Variants in CHD5 observed in about 807,000 individuals in gnomAD.
CHD5 encodes chromodomain helicase DNA binding protein 5.
CHD5 carries 69 observed loss-of-function variants against 230.3 expected under a neutral mutation model. The observed-to-expected ratio is 0.30, with a 90% CI of 0.25 to 0.37. The LOEUF is 0.37. CHD5 is among the 10% of genes least tolerant of loss of function. The probability of loss-of-function intolerance (pLI) is 1.00; values close to 1 mark genes in which losing one functional copy is unlikely to be tolerated. For missense variants in CHD5, 1,827 were observed against 2,622.8 expected (o/e 0.70, Z 6.63); for synonymous variants, 1,064 against 1,065.9 (o/e 1.00, Z 0.03).
At chr1:6,171,643 C>T (rs553938654) in intron 1 of CHD5, among the ~76,000 whole-genome samples, 2 of 152,248 alleles carry the variant, frequency 1.3e-5, no homozygotes, top group South Asian at 2.1e-4. Flanking sequence ...AGCAACTGCA[C>T]GGTCAGCCTT....
Position 6,130,060 on chromosome 1 carries a change from G to A in CHD5, c.3387+144C>T. Reference sequence around the variant, plus strand: ...CCACTCACTCCCAGAGCCCCTCTTGGGGCCGAGACTCCACGGGGGAGGGAG... The same window carrying A: ...CCACTCACTCCCAGAGCCCCTCTTGAGGCCGAGACTCCACGGGGGAGGGAG... On this transcript the variant is annotated intron_variant, in intron 22 of 41. Transcript: ENST00000262450. This position sits in a 1 kb window ranked among gnomAD's most constrained non-coding sequence, Gnocchi z 4.9. 1 of 913,948 alleles carries A rather than the reference G, an allele frequency of 1.1e-6. No individual in the cohort carries two copies. Among genetic ancestry groups the A allele is most frequent in the Non-Finnish European group, 1.7e-6 (1 of 590,214 alleles). 56.6% of individuals were successfully genotyped at this position (913,948 alleles called of 1,614,324 possible).
rs753970669 is a variant in CHD5, at chr1:6,128,911, C to A, written c.3546G>T (p.Gly1182=). ...VVRPGLGSKS[G]SMTKQELDDI... ...CGTCCAGCTCCTGCTTGGTCATGGACCCCGACTTGGAGCCGAGGCCGGGCC... is the reference window on the plus strand; with the variant it reads ...CGTCCAGCTCCTGCTTGGTCATGGAACCCGACTTGGAGCCGAGGCCGGGCC... The change falls in exon 23 of 42, where the codon GGG becomes GGT. Residue 1182 remains glycine (G), a synonymous_variant. Transcript: ENST00000262450. The surrounding 1 kb of genome is among the most constrained non-coding windows in gnomAD (Gnocchi z 7.8). The A allele has an allele frequency of 1.9e-6, 3 of 1,613,366 alleles. No individual in the cohort carries two copies. The highest frequency in any genetic ancestry group is 1.1e-5 in the South Asian group (1 of 91,082).
chr1:6,161,968 A>G (rs958421780), intron 2 of CHD5, among the ~76,000 whole-genome samples: 1 of 152,188 alleles, frequency 6.6e-6, no homozygotes, highest in Non-Finnish European at 1.5e-5. Context: ...CGGGCTCCCC[A>G]GGGAGGCTCT....
At position 6,170,507 on chromosome 1, in the gene CHD5, T is replaced by C. The variant is rs80183873; in HGVS notation, c.80-2230A>G. ...GGGGCCAATGTGCACCAGTGGAAGG[T>C]GTTTGCACCAGTGGAAGGTGGGGGC... On this transcript the variant is annotated intron_variant, in intron 1 of 41. Coordinates refer to ENST00000262450, the MANE Select transcript of CHD5 (RefSeq NM_015557.3). Among the ~76,000 whole-genome samples, 196 of 152,124 alleles carry C rather than the reference T, an allele frequency of 1.3e-3. 5 individuals carry two copies. In the East Asian group the frequency reaches 0.035, roughly 27 times the overall value.
At chr1:6,116,558 A>G (rs527658155) in intron 33 of CHD5, among the ~76,000 whole-genome samples, 2 of 152,358 alleles carry the variant, frequency 1.3e-5, no homozygotes, top group East Asian at 3.8e-4. Context: ...GTGAGAAAAG[A>G]TAGAAATGAC....
At chr1:6,173,185 A>C (rs1190927100) in intron 1 of CHD5, among the ~76,000 whole-genome samples, 13 of 151,114 alleles carry the variant, frequency 8.6e-5, no homozygotes, top group Admixed American at 8.6e-4. Flanking sequence ...GCTCACTGCA[A>C]GCTCCGCCTC....
At chr1:6,124,912 T>C (rs1325535411) in intron 29 of CHD5, among the ~76,000 whole-genome samples, 188 bp downstream of exon 29, 1 of 152,088 alleles carries the variant, frequency 6.6e-6, no homozygotes. Context: ...GGGCGGATGG[T>C]CAGTGTTTGC....
Position 6,131,799 on chromosome 1 carries a change from T to G in CHD5, c.3145-51A>C, listed in dbSNP as rs2100848636. ...AACTGCCAAGGAGCAAGGGGCCCCA[T>G]GGGCCATGGGCGGGGACCCCGCCAC... On this transcript the variant is annotated intron_variant, in intron 20 of 41. Coordinates refer to ENST00000262450, the MANE Select transcript of CHD5 (RefSeq NM_015557.3). This position sits in a 1 kb window ranked among gnomAD's most constrained non-coding sequence, Gnocchi z 5.0. 1.5e-5 allele frequency: 18 copies of G among 1,202,998 alleles called. No homozygotes were observed. The highest frequency in any genetic ancestry group is 2.0e-4 in the Middle Eastern group (1 of 5,052). 74.5% of individuals were successfully genotyped at this position (1,202,998 alleles called of 1,614,324 possible). A position where few individuals can be genotyped will look rare whatever the true frequency, so the allele number is the denominator to read the frequency against.
chr1:6,175,687 T>C (rs1037359756), intron 1 of CHD5, among the ~76,000 whole-genome samples: 3 of 148,722 alleles, frequency 2.0e-5, no homozygotes, highest in Non-Finnish European at 4.4e-5. Flanking sequence ...AACAAATGGA[T>C]GGATGGATGG....
rs750119008 is a variant in CHD5, at chr1:6,146,844, G to A, written c.1411C>T (p.Arg471Trp). 5 of 1,531,928 alleles carry A rather than the reference G, an allele frequency of 3.3e-6. No homozygotes were observed. Among genetic ancestry groups the A allele is most frequent in the East Asian group, 4.6e-5 (2 of 43,546 alleles). The allele number at this position is 1,531,928 out of a possible 1,614,324, so 94.9% of individuals were successfully genotyped here. The change falls in exon 10 of 42, where the codon CGG (arginine) becomes TGG (tryptophan). Residue 471 changes from arginine to tryptophan, a missense_variant. Around this residue, in one of 14 missense-constraint regions of CHD5, gnomAD observed 657 missense variants for 816.4 expected, o/e 0.80. Transcript: ENST00000262450. The surrounding 1 kb of genome is among the most constrained non-coding windows in gnomAD (Gnocchi z 5.1). The stretch of plus-strand genomic sequence containing the variant: ...TCCGTCCACCTCCAGTGTAGAATCC[G>A]CTGGACTTTGCCCTTCAGTGGGGGG... ...TCPPLKGKVQRILHWRWTEPP... is the reference protein window; with the variant it reads ...TCPPLKGKVQWILHWRWTEPP...
Position 6,130,367 on chromosome 1 carries a change from G to A in CHD5, c.3263-39C>T, listed in dbSNP as rs181035099. ...GCCAGCAGATGGGAGTGTTTGGGGG[G>A]GTACACCTTGGGTGGGCAGAAAGGA... On this transcript the variant is annotated intron_variant, in intron 21 of 41. Coordinates refer to ENST00000262450, the MANE Select transcript of CHD5 (RefSeq NM_015557.3). This position sits in a 1 kb window ranked among gnomAD's most constrained non-coding sequence, Gnocchi z 4.9. 6,272 of 1,602,736 alleles carry A rather than the reference G, an allele frequency of 3.9e-3. 22 individuals carry two copies. Among genetic ancestry groups the A allele is most frequent in the Non-Finnish European group, 5.0e-3 (5,813 of 1,173,704 alleles).
Position 6,155,732 on chromosome 1 carries a change from G to A in CHD5, c.388-15C>T. On this transcript the variant is annotated splice_polypyrimidine_tract_variant and intron_variant, in intron 3 of 41. Transcript: ENST00000262450. The surrounding 1 kb of genome is among the most constrained non-coding windows in gnomAD (Gnocchi z 4.0). ...GACTTGGGCTCCTACAGAGACCCAG[G>A]CCAGAGGTAGAGTTGTTGAGGGGCC... The A allele has an allele frequency of 2.5e-6, 4 of 1,606,694 alleles. No individual in the cohort carries two copies. In the South Asian group the frequency reaches 3.3e-5, roughly 13 times the overall value.
chr1:6,137,089 GAGA>G (rs1666757847), intron 15 of CHD5, among the ~76,000 whole-genome samples: 2 of 128,188 alleles, frequency 1.6e-5, no homozygotes, highest in African/African-American at 2.7e-5. Flanking sequence ...TGTGGAGGAG[GAGA>G]AGAAACGGCC....
rs562527168 is a variant in CHD5, at chr1:6,158,597, C to T, written c.387+739G>A. 4.6e-5 allele frequency among the ~76,000 whole-genome samples: 7 copies of T among 152,288 alleles called. No homozygotes were observed. The South Asian group carries it at 1.2e-3, about 27-fold the overall frequency. ...GGCTAAGGCAGGAGCCACTGCACTCCAGCCTGGACAACAGAGCAAAACTCC... is the reference window on the plus strand; with the variant it reads ...GGCTAAGGCAGGAGCCACTGCACTCTAGCCTGGACAACAGAGCAAAACTCC... On this transcript the variant is annotated intron_variant, in intron 3 of 41. Coordinates refer to ENST00000262450, the MANE Select transcript of CHD5 (RefSeq NM_015557.3).
intron 30 of CHD5, 74 bp downstream of exon 30, chr1:6,124,443 A>G (rs1666520256): frequency 6.5e-7 from 1 of 1,532,034 alleles, no homozygotes; most frequent in Non-Finnish European, 9.0e-7. Context: ...TTCTCTGACC[A>G]CTGACCCACA....
At chr1:6,124,190 G>A in intron 30 of CHD5, 83 bp from the exon 31 acceptor site, 2 of 1,325,038 alleles carry the variant, frequency 1.5e-6, no homozygotes, top group Non-Finnish European at 2.1e-6. Flanking sequence ...GGGCAGCCAG[G>A]GGGGCTGAAA....
chr1:6,106,352 C>T (rs531755461), intron 40 of CHD5, 43 bp downstream of exon 40: 29 of 1,611,260 alleles, frequency 1.8e-5, no homozygotes, highest in African/African-American at 5.3e-5. Flanking sequence ...CCGGGCCCGG[C>T]GGGCACCCGT....
In CHD5 at chr1:6,104,434, G is replaced by C. The variant is rs933446781; in HGVS notation, c.*1040C>G. On this transcript the variant is annotated 3_prime_UTR_variant, in exon 42 of 42. Coordinates refer to ENST00000262450, the MANE Select transcript of CHD5 (RefSeq NM_015557.3). ...AATGGGACAAGTCCAGGCCCCCAGG[G>C]GCAGCCCGGTTCCACCTCCGGAGGT... 2.6e-5 allele frequency: 4 copies of C among 152,392 alleles called. No individual in the cohort carries two copies. Among genetic ancestry groups the C allele is most frequent in the Admixed American group, 1.3e-4 (2 of 15,282 alleles). 9.4% of individuals were successfully genotyped at this position (152,392 alleles called of 1,614,324 possible).
chr1:6,150,126 G>A (rs1171857051), intron 7 of CHD5, among the ~76,000 whole-genome samples: 1 of 151,580 alleles, frequency 6.6e-6, no homozygotes, highest in Non-Finnish European at 1.5e-5. Flanking sequence ...ATAGATGAAT[G>A]AACAAATGGA....
Sources: allele counts gnomAD v4.1 joint callset (sites outside exome capture counted in the v4.1 genomes callset), GRCh38; gene constraint gnomAD v4.1.1; regional missense constraint gnomAD v4.1.1; non-coding constraint Gnocchi (gnomAD v3.1); transcripts MANE v1.5; gene names NCBI Gene and HGNC (gene_info 2026-07-23, HGNC 2026-07-21).